Variants in MYOCD observed in about 807,000 individuals in gnomAD.
MYOCD encodes myocardin.
In MYOCD, 32 loss-of-function variants were observed where a neutral mutation model predicts 96.1. The observed-to-expected ratio is 0.33, with a 90% confidence interval of 0.25 to 0.45. The LOEUF (loss-of-function observed/expected upper bound fraction) is 0.45. Ranked by LOEUF, MYOCD falls within the 20% of genes least tolerant of loss-of-function variation. The pLI, the probability that MYOCD is intolerant of heterozygous loss-of-function variation, is 1.00. For synonymous variants in MYOCD, 469 were observed against 469.0 expected (o/e 1.00, Z 0.00); for missense variants, 1,133 against 1,200.6 (o/e 0.94, Z 0.83).
chr17:12,717,502 T>G (rs1215762411), intron 4 of MYOCD, 81 bp downstream of exon 4: 9 of 1,135,388 alleles, frequency 7.9e-6, no homozygotes, highest in Non-Finnish European at 1.2e-5. Flanking sequence ...CTCTGTACAG[T>G]TGCTAAGCCC....
intron 1 of MYOCD, among the ~76,000 whole-genome samples, chr17:12,676,150 C>T (rs1166656033): frequency 2.0e-5 from 3 of 151,872 alleles, no homozygotes; most frequent in South Asian, 2.1e-4. Flanking sequence ...ATTTAGAGGA[C>T]GTGGACACTA....
intron 5 of MYOCD, among the ~76,000 whole-genome samples, chr17:12,732,178 T>C (rs529421041): frequency 6.6e-6 from 1 of 152,278 alleles, no homozygotes; most frequent in South Asian, 2.1e-4. Flanking sequence ...CATGCACTCA[T>C]GGTTTCCTCA....
chr17:12,744,578 A>G, intron 8 of MYOCD, 142 bp downstream of exon 8: 2 of 1,237,634 alleles, frequency 1.6e-6, no homozygotes, highest in Non-Finnish European at 1.1e-6. Flanking sequence ...AGGTGACTCA[A>G]TTTAGAAACT....
At chr17:12,752,293 T>C (rs2032872135) in intron 9 of MYOCD, 121 bp from the exon 10 acceptor site, 19 of 815,018 alleles carry the variant, frequency 2.3e-5, no homozygotes, top group Admixed American at 5.8e-5. Flanking sequence ...GAAAGAAGTA[T>C]AAAAAAGAGG....
chr17:12,667,901 G>A (rs1016658583), intron 1 of MYOCD, among the ~76,000 whole-genome samples: 1 of 151,646 alleles, frequency 6.6e-6, no homozygotes, highest in Non-Finnish European at 1.5e-5. Context: ...CATAAGGAAA[G>A]GTAGCTTCGG....
chr17:12,688,029 G>A (rs2030221002), intron 1 of MYOCD, among the ~76,000 whole-genome samples: 1 of 152,138 alleles, frequency 6.6e-6, no homozygotes, highest in Non-Finnish European at 1.5e-5. Flanking sequence ...AACTTCATGG[G>A]CCCATGTTGT....
chr17:12,705,127 G>T lies in MYOCD; in HGVS notation c.56-1G>T. 18 of 1,611,226 alleles carry T rather than the reference G, an allele frequency of 1.1e-5. No homozygotes were observed. The highest frequency in any genetic ancestry group is 1.5e-5 in the Non-Finnish European group (18 of 1,177,798). ...CACAAACTAACACTCCCTTTTCTAA[G>T]TTTTACAGTTAAGACTTCAACAAAG... On this transcript the variant is annotated splice_acceptor_variant, in intron 1 of 13. Coordinates refer to ENST00000425538, the MANE Select transcript of MYOCD (RefSeq NM_001146312.3). LOFTEE classifies it high-confidence loss of function.
intron 1 of MYOCD, among the ~76,000 whole-genome samples, chr17:12,700,209 A>G (rs914383371): frequency 6.6e-6 from 1 of 151,330 alleles, no homozygotes. Context: ...ACAACCAGTC[A>G]ATAAGCATAT....
rs757574728 is a variant in MYOCD, at chr17:12,753,352, AG to A, written c.2058+7del. On this transcript the variant is annotated splice_region_variant and intron_variant, in intron 10 of 13. Coordinates refer to ENST00000425538, the MANE Select transcript of MYOCD (RefSeq NM_001146312.3). The stretch of plus-strand genomic sequence containing the variant: ...GCCAGGTGTGCACTGCACAGGTAAG[AG>A]CACCTTGCGCCATGCCTGGTGCACA... 1.6e-5 allele frequency: 25 copies of A among 1,556,122 alleles called. No individual in the cohort carries two copies. The highest frequency in any genetic ancestry group is 1.9e-5 in the Non-Finnish European group (22 of 1,151,154).
In MYOCD at chr17:12,763,858, A is replaced by G. The variant is rs898708825; in HGVS notation, c.*214A>G. 4 of 451,740 alleles carry G rather than the reference A, an allele frequency of 8.9e-6. No homozygotes were observed. The highest frequency in any genetic ancestry group is 3.5e-5 in the East Asian group (1 of 28,194). The allele number at this position is 451,740 out of a possible 1,614,324, so 28.0% of individuals were successfully genotyped here. On this transcript the variant is annotated 3_prime_UTR_variant, in exon 14 of 14. Coordinates refer to ENST00000425538, the MANE Select transcript of MYOCD (RefSeq NM_001146312.3). ...GTCAGTAACTGTTAATGATTTCAAC[A>G]ATGCATTAAAAGAATGTGCTTTCTC...
chr17:12,739,081 G>C lies in MYOCD; in HGVS notation c.592-122G>C, dbSNP rs1447571057. 7 of 1,140,402 alleles carry C rather than the reference G, an allele frequency of 6.1e-6. No individual in the cohort carries two copies. The Admixed American group carries it at 1.7e-4, about 28-fold the overall frequency. 70.6% of individuals were successfully genotyped at this position (1,140,402 alleles called of 1,614,324 possible). A position where few individuals can be genotyped will look rare whatever the true frequency, so the allele number is the denominator to read the frequency against. ...ACTCCTCCCACTGAGGGAGTAGGCTGATATTTACTTGGGTGAGAAGCTAGG... is the reference window on the plus strand; with the variant it reads ...ACTCCTCCCACTGAGGGAGTAGGCTCATATTTACTTGGGTGAGAAGCTAGG... On this transcript the variant is annotated intron_variant, in intron 6 of 13. Coordinates refer to ENST00000425538, the MANE Select transcript of MYOCD (RefSeq NM_001146312.3).
In MYOCD at chr17:12,680,591, C is replaced by T. The variant is rs58745503; in HGVS notation, c.55+14348C>T. On this transcript the variant is annotated intron_variant, in intron 1 of 13. Coordinates refer to ENST00000425538, the MANE Select transcript of MYOCD (RefSeq NM_001146312.3). ...AGGTCCTTTTCCCGGAGGCCCCTCC[C>T]ACCGGCCCCGGGCGTGTGTGCGCGC... is the stretch of plus-strand genomic sequence containing the variant. Among the ~76,000 whole-genome samples, 278 of 152,348 alleles carry T rather than the reference C, an allele frequency of 1.8e-3. 2 individuals carry two copies. Among genetic ancestry groups the T allele is most frequent in the African/African-American group, 6.5e-3 (269 of 41,580 alleles).
intron 2 of MYOCD, among the ~76,000 whole-genome samples, chr17:12,712,595 A>G (rs574379157): frequency 2.1e-4 from 32 of 152,296 alleles, no homozygotes; most frequent in African/African-American, 7.7e-4. Flanking sequence ...GTTCTAAGTC[A>G]GCAAATGTTT....
rs893908267 is a variant in MYOCD at position 12,763,272 on chromosome 17, C to G, written c.2589C>G (p.Ser863Arg). 1 of 1,613,490 alleles carries G rather than the reference C, an allele frequency of 6.2e-7. No individual in the cohort carries two copies. The highest frequency in any genetic ancestry group is 1.3e-5 in the African/African-American group (1 of 74,866). Residue 863 changes from serine (S) to arginine (R), a missense_variant, in exon 14 of 14, where the codon AGC (serine) becomes AGG (arginine). Ser to Arg is a moderately radical substitution (Grantham distance 110). Coordinates refer to ENST00000425538, the MANE Select transcript of MYOCD (RefSeq NM_001146312.3). ...TTGAAGTCTTATTAAATTCCCAGAG[C>G]CCCCTAGGAAAGATGAGTGATGTCA... ...EHLEVLLNSQ[S>R]PLGKMSDVTL...
chr17:12,759,762 G>C (rs1022930040), intron 12 of MYOCD, among the ~76,000 whole-genome samples: 1 of 152,202 alleles, frequency 6.6e-6, no homozygotes, highest in South Asian at 2.1e-4. Flanking sequence ...ATCAAAATAT[G>C]AGCCAAGTTC....
At chr17:12,700,360 G>GAAAGAGTCTTCT (rs2031005160) in intron 1 of MYOCD, among the ~76,000 whole-genome samples, 2 of 142,932 alleles carry the variant, frequency 1.4e-5, no homozygotes, top group Admixed American at 7.0e-5. Flanking sequence ...CTAGAGAACT[G>GAAAGAGTCTTCT]AAAGAGTCTT....
chr17:12,710,569 A>G (rs1330932514), intron 2 of MYOCD: 2 of 947,920 alleles, frequency 2.1e-6, no homozygotes, highest in Non-Finnish European at 2.5e-6. Flanking sequence ...GTACTTCTGA[A>G]TAGCAAGAAG....
chr17:12,700,669 C>T (rs956201193), intron 1 of MYOCD, among the ~76,000 whole-genome samples: 27 of 151,278 alleles, frequency 1.8e-4, no homozygotes, highest in African/African-American at 6.4e-4. Flanking sequence ...CCGTCTGGGC[C>T]TCCCAAAGTG....
At chr17:12,755,738 G>A (rs2032994191) in intron 10 of MYOCD, among the ~76,000 whole-genome samples, 2 of 152,310 alleles carry the variant, frequency 1.3e-5, no homozygotes, top group South Asian at 2.1e-4. Flanking sequence ...CGGGCGTGGT[G>A]GCACGCGCCT....
Sources: gnomAD v4.1 joint callset for allele counts (sites outside exome capture counted in the v4.1 genomes callset) on GRCh38, gnomAD v4.1.1 for gene constraint, MANE v1.5 for transcripts, NCBI Gene and HGNC (gene_info 2026-07-23, HGNC 2026-07-21) for gene names.